The following TASP1 variants were observed in gnomAD, a reference collection of about 807,000 sequenced individuals.
The protein encoded by TASP1 is taspase 1.
TASP1 carries 16 observed loss-of-function variants against 56.6 expected under a neutral mutation model. The observed-to-expected ratio is 0.28, with a 90% CI of 0.19 to 0.43. The LOEUF (loss-of-function observed/expected upper bound fraction) is 0.43, where lower values mean the gene tolerates loss of function less well. Among genes scored for constraint, TASP1 ranks in the 20% least tolerant of loss-of-function variants. TASP1 has a pLI of 1.00. For missense variants in TASP1, 393 were observed against 511.6 expected, an observed-to-expected ratio of 0.77 and a Z score of 2.24; for synonymous variants, 179 against 184.2, an observed-to-expected ratio of 0.97 and a Z score of 0.23.
At chr20:13,622,240 G>A (rs528573121) in intron 4 of TASP1, among the ~76,000 whole-genome samples, 1 of 152,282 alleles carries the variant, frequency 6.6e-6, no homozygotes, top group East Asian at 1.9e-4. Flanking sequence ...ACTCCATGAA[G>A]TGGGAATTAC....
intron 4 of TASP1, among the ~76,000 whole-genome samples, chr20:13,619,755 C>T (rs2048645813): frequency 1.3e-5 from 2 of 152,278 alleles, no homozygotes; most frequent in South Asian, 4.1e-4. Flanking sequence ...ATCTTCTCTG[C>T]TGTGAGTGAA....
At chr20:13,327,022 A>G in the TASP1 span, among the ~76,000 whole-genome samples, 3 of 152,154 alleles carry the variant, frequency 2.0e-5, no homozygotes, top group African/African-American at 7.2e-5. Flanking sequence ...AAGTCAAATT[A>G]TCTTTGTTTG....
At chr20:13,482,729 T>G (rs2043183879) in intron 11 of TASP1, among the ~76,000 whole-genome samples, 1 of 152,200 alleles carries the variant, frequency 6.6e-6, no homozygotes, top group South Asian at 2.1e-4. Flanking sequence ...AAATCACATA[T>G]GCTATTAAGC....
At chr20:13,458,453 T>C (rs1048669705) in intron 11 of TASP1, among the ~76,000 whole-genome samples, 10 of 152,208 alleles carry the variant, frequency 6.6e-5, no homozygotes, top group African/African-American at 2.4e-4. Flanking sequence ...GTTCAAATGA[T>C]TCTCCTGCCT....
the TASP1 span, among the ~76,000 whole-genome samples, chr20:13,223,718 C>A: frequency 5.3e-5 from 8 of 152,260 alleles, no homozygotes; most frequent in Admixed American, 3.9e-4. Flanking sequence ...AATTTCTATG[C>A]GGAAGTTGAA....
the TASP1 span, among the ~76,000 whole-genome samples, chr20:13,250,178 C>A: frequency 6.6e-6 from 1 of 152,124 alleles, no homozygotes; most frequent in Non-Finnish European, 1.5e-5. Context: ...GATAGGGTAG[C>A]CAGGAGGCTT....
At chr20:13,427,929 G>A (rs922846859) in intron 12 of TASP1, among the ~76,000 whole-genome samples, 1 of 152,160 alleles carries the variant, frequency 6.6e-6, no homozygotes, top group Non-Finnish European at 1.5e-5. Context: ...TGCATAAGGT[G>A]GGGTTAACTT....
intron 4 of TASP1, among the ~76,000 whole-genome samples, chr20:13,601,217 G>A (rs2047945331): frequency 6.6e-6 from 1 of 151,818 alleles, no homozygotes; most frequent in Non-Finnish European, 1.5e-5. Context: ...GGCTGAGGTT[G>A]CAGTGAGCTG....
At chr20:13,279,518 C>T in the TASP1 span, 2 of 1,040,590 alleles carry the variant, frequency 1.9e-6, no homozygotes, top group Admixed American at 2.6e-5. Context: ...CTCAGCTTTC[C>T]TTCACAACGG....
chr20:13,223,209 A>AAAAT, the TASP1 span, among the ~76,000 whole-genome samples: 1 of 151,482 alleles, frequency 6.6e-6, no homozygotes, highest in Non-Finnish European at 1.5e-5. Context: ...ATAAATAAAT[A>AAAAT]AAATGAAATA....
At chr20:13,267,453 A>G in the TASP1 span, among the ~76,000 whole-genome samples, 1,521 of 152,226 alleles carry the variant, frequency 1.0e-2, 32 homozygotes, top group African/African-American at 0.035. Flanking sequence ...CTAACGCGAC[A>G]CTTCCCTTTC....
Position 13,423,298 on chromosome 20 carries a change from A to C in TASP1, c.1097-5777T>G, listed in dbSNP as rs545484163. ...ATCAAAACAAACAACAACAAAAAAA[A>C]CCCCACACATTGTCATTTACTACAC... On this transcript the variant is annotated intron_variant, in intron 12 of 13. Coordinates refer to ENST00000337743, the MANE Select transcript of TASP1 (RefSeq NM_017714.3). 2.4e-3 allele frequency among the ~76,000 whole-genome samples: 369 copies of C among 152,216 alleles called. 1 individual carries two copies. Among genetic ancestry groups the C allele is most frequent in the Non-Finnish European group, 3.5e-3 (239 of 67,998 alleles).
chr20:13,277,354 G>T, the TASP1 span, among the ~76,000 whole-genome samples: 2 of 152,138 alleles, frequency 1.3e-5, no homozygotes, highest in East Asian at 3.9e-4. Context: ...CCTGGCTCTT[G>T]GCAGCCTCTC....
chr20:13,105,545 A>T, the TASP1 span, among the ~76,000 whole-genome samples: 1 of 152,198 alleles, frequency 6.6e-6, no homozygotes. Context: ...TGTTCATTTT[A>T]AAATTCTGGA....
intron 13 of TASP1, chr20:13,393,521 C>G (rs1348568560): frequency 1.5e-5 from 12 of 796,076 alleles, no homozygotes; most frequent in Non-Finnish European, 2.6e-5. Flanking sequence ...AGATTGTCTC[C>G]TCCAACAGTG....
the TASP1 span, chr20:13,270,422 C>T: frequency 1.6e-5 from 24 of 1,463,856 alleles, no homozygotes; most frequent in Non-Finnish European, 2.1e-5. Context: ...TGTCCTTGCT[C>T]CTGAATATAA....
the TASP1 span, chr20:13,160,236 AT>A: frequency 7.3e-7 from 1 of 1,375,634 alleles, no homozygotes; most frequent in Non-Finnish European, 9.6e-7. Context: ...CTCTTGGGTT[AT>A]TTAGGAAAAC....
At chr20:13,228,013 G>A in the TASP1 span, among the ~76,000 whole-genome samples, 2 of 139,854 alleles carry the variant, frequency 1.4e-5, no homozygotes, top group Non-Finnish European at 3.0e-5. Context: ...TGCCCAGGCT[G>A]GAGTCCAGGA....
intron 10 of TASP1, among the ~76,000 whole-genome samples, chr20:13,510,632 A>G (rs1193790863): frequency 6.6e-6 from 1 of 152,148 alleles, no homozygotes; most frequent in Non-Finnish European, 1.5e-5. Flanking sequence ...AAAAATAGCT[A>G]ATTAAATTTA....
Sources: allele counts gnomAD v4.1 joint callset (sites outside exome capture counted in the v4.1 genomes callset), GRCh38; gene constraint gnomAD v4.1.1; transcripts MANE v1.5; gene names NCBI Gene and HGNC (gene_info 2026-07-23, HGNC 2026-07-21).